Variants in SLC8A1 observed in about 807,000 individuals in gnomAD.
The protein encoded by SLC8A1 is sodium/calcium exchanger 1.
In SLC8A1, 18 loss-of-function variants were observed where a neutral mutation model predicts 68.3. The observed-to-expected ratio is 0.26, with a 90% CI of 0.18 to 0.39. The LOEUF is 0.39. SLC8A1 is among the 10% of genes least tolerant of loss of function. SLC8A1 has a pLI of 1.00. For missense variants in SLC8A1, 985 were observed against 1,156.7 expected (o/e 0.85, Z 2.15); for synonymous variants, 475 against 415.5 (o/e 1.14, Z -1.74).
At chr2:40,429,900 C>A in exon 2 of SLC8A1, 2 of 1,613,520 alleles carry the variant, frequency 1.2e-6, no homozygotes, top group Non-Finnish European at 1.7e-6. Flanking sequence ...TCCAGATCCT[C>A]ACAGTTGTCT....
At chr2:40,297,396 C>T (rs1033892342) in intron 2 of SLC8A1, among the ~76,000 whole-genome samples, 2 of 152,134 alleles carry the variant, frequency 1.3e-5, no homozygotes, top group African/African-American at 4.8e-5. Flanking sequence ...CAAAAATGTA[C>T]TGACACATTT....
intron 1 of SLC8A1, among the ~76,000 whole-genome samples, chr2:40,501,118 C>T (rs956837748): frequency 1.4e-4 from 22 of 151,950 alleles, no homozygotes; most frequent in African/African-American, 5.3e-4. Flanking sequence ...GAAATCTCCC[C>T]GGTTATTCAC....
At chr2:40,343,482 T>TA (rs1237428200) in intron 2 of SLC8A1, among the ~76,000 whole-genome samples, 1 of 152,206 alleles carries the variant, frequency 6.6e-6, no homozygotes, top group Non-Finnish European at 1.5e-5. Flanking sequence ...ACTTAGCACT[T>TA]ACTATTTGTA....
In SLC8A1 at chr2:40,260,124, G is replaced by GA. The variant is rs562288771; in HGVS notation, c.1809-82270dup. On this transcript the variant is annotated intron_variant, in intron 2 of 7. Transcript: ENST00000406785. ...ACAATGACTCATTTCCTTAGTCCAAGAAAGTGAACACAGGCTTGATTCTCT... is the reference window on the plus strand; with the variant it reads ...ACAATGACTCATTTCCTTAGTCCAAGAAAAGTGAACACAGGCTTGATTCTCT... Among the ~76,000 whole-genome samples, 17 of 152,288 alleles carry GA rather than the reference G, an allele frequency of 1.1e-4. No homozygotes were observed. The East Asian group carries it at 3.1e-3, about 28-fold the overall frequency.
intron 2 of SLC8A1, among the ~76,000 whole-genome samples, chr2:40,354,547 G>C (rs1204542995): frequency 6.6e-6 from 1 of 152,130 alleles, no homozygotes; most frequent in African/African-American, 2.4e-5. Context: ...TTAGTTGATG[G>C]CTTGGCAGAA....
At chr2:40,360,235 G>A (rs571442875) in intron 2 of SLC8A1, among the ~76,000 whole-genome samples, 5 of 152,140 alleles carry the variant, frequency 3.3e-5, no homozygotes, top group Non-Finnish European at 5.9e-5. Context: ...GCATATGCTA[G>A]GCACTCCGTA....
At chr2:40,232,206 C>T (rs1455856863) in intron 2 of SLC8A1, among the ~76,000 whole-genome samples, 2 of 152,082 alleles carry the variant, frequency 1.3e-5, no homozygotes, top group African/African-American at 4.8e-5. Context: ...TTCAAAAAGA[C>T]ATTTGTGCTC....
At chr2:40,208,266 A>C (rs2055881070) in intron 2 of SLC8A1, 1 of 152,136 alleles carries the variant, frequency 6.6e-6, no homozygotes, top group South Asian at 2.1e-4. Flanking sequence ...CTCTTTCCAT[A>C]GTCAAGGTTC....
At chr2:40,492,874 G>C (rs577942517) in intron 1 of SLC8A1, among the ~76,000 whole-genome samples, 2,052 of 150,886 alleles carry the variant, frequency 0.014, 53 homozygotes, top group African/African-American at 0.048. Context: ...TGGAGAAATA[G>C]GAACACTTTT....
chr2:40,128,388 C>G (rs2038599509), intron 7 of SLC8A1, among the ~76,000 whole-genome samples: 1 of 152,212 alleles, frequency 6.6e-6, no homozygotes, highest in African/African-American at 2.4e-5. Flanking sequence ...CACAGAGCCT[C>G]TTACCAATAG....
At chr2:40,344,882 TA>T (rs1668774257) in intron 2 of SLC8A1, among the ~76,000 whole-genome samples, 1 of 152,242 alleles carries the variant, frequency 6.6e-6, no homozygotes, top group East Asian at 1.9e-4. Flanking sequence ...GATCTCAGGG[TA>T]CATATACTTC....
intron 2 of SLC8A1, among the ~76,000 whole-genome samples, chr2:40,355,705 G>A (rs566037063): frequency 1.4e-4 from 21 of 152,218 alleles, no homozygotes; most frequent in Admixed American, 1.3e-3. Context: ...GTCCATGCAC[G>A]TAACAAACAC....
intron 7 of SLC8A1, among the ~76,000 whole-genome samples, chr2:40,134,098 T>TTTGTG (rs1558478347): frequency 2.3e-4 from 33 of 144,328 alleles, no homozygotes; most frequent in South Asian, 1.1e-3. Flanking sequence ...TTTGTTTGTG[T>TTTGTG]TTTTTTTTTT....
intron 2 of SLC8A1, among the ~76,000 whole-genome samples, chr2:40,348,444 A>C (rs1012948922): frequency 1.1e-4 from 17 of 152,178 alleles, no homozygotes; most frequent in Non-Finnish European, 1.9e-4. Context: ...TAAATGCCAA[A>C]CCCATACATC....
chr2:40,375,497 G>T (rs1232684580), intron 2 of SLC8A1, among the ~76,000 whole-genome samples: 1 of 152,022 alleles, frequency 6.6e-6, no homozygotes, highest in Non-Finnish European at 1.5e-5. Flanking sequence ...AGAATTTTAT[G>T]TTTCCTTTTC....
At chr2:40,265,272 C>A (rs2065221276) in intron 2 of SLC8A1, among the ~76,000 whole-genome samples, 1 of 152,104 alleles carries the variant, frequency 6.6e-6, no homozygotes, top group East Asian at 1.9e-4. Flanking sequence ...ATAGCTTATT[C>A]TAACTTTCCA....
intron 2 of SLC8A1, among the ~76,000 whole-genome samples, chr2:40,393,745 A>G (rs1450897060): frequency 1.3e-5 from 2 of 152,168 alleles, no homozygotes; most frequent in East Asian, 1.9e-4. Context: ...TAGATACTAC[A>G]GTTGGAAAAT....
At chr2:40,344,675 T>A (rs2149421282) in intron 2 of SLC8A1, among the ~76,000 whole-genome samples, 1 of 152,268 alleles carries the variant, frequency 6.6e-6, no homozygotes, top group East Asian at 1.9e-4. Context: ...GAGCTTCAGG[T>A]CTCCCATTGC....
intron 2 of SLC8A1, among the ~76,000 whole-genome samples, chr2:40,224,223 A>AGGCTGTCTAGTATGGGTTGGCATCCTGG (rs2058694079): frequency 6.6e-6 from 1 of 152,084 alleles, no homozygotes; most frequent in African/African-American, 2.4e-5. Flanking sequence ...GGATGAGATG[A>AGGCTGTCTAGTATGGGTTGGCATCCTGG]GGCTGTCTAG....
Sources: allele counts gnomAD v4.1 joint callset (sites outside exome capture counted in the v4.1 genomes callset), GRCh38; gene constraint gnomAD v4.1.1; transcripts MANE v1.5; gene names NCBI Gene and HGNC (gene_info 2026-07-23, HGNC 2026-07-21).